The following ANO3 variants were observed in gnomAD, a reference collection of about 807,000 sequenced individuals.
ANO3 encodes the protein anoctamin-3.
ANO3 carries 99 observed loss-of-function variants against 144.8 expected under a neutral mutation model. That is an observed-to-expected ratio of 0.68 (90% CI 0.58 to 0.81). The LOEUF (loss-of-function observed/expected upper bound fraction) is 0.81, where lower values mean the gene tolerates loss of function less well. ANO3 is among the 30% of genes least tolerant of loss of function. The pLI is 0.00. For missense variants in ANO3, 905 were observed against 1,202.2 expected (o/e 0.75, Z 3.66); for synonymous variants, 414 against 392.6 (o/e 1.05, Z -0.64).
Position 26,547,529 on chromosome 11 carries a change from C to T in ANO3, c.1268C>T (p.Thr423Ile), listed in dbSNP as rs1349673954. The T allele has an allele frequency of 1.2e-6, 2 of 1,611,570 alleles. No homozygotes were observed. The highest frequency in any genetic ancestry group is 8.5e-7 in the Non-Finnish European group (1 of 1,178,342). Residue 423 changes from threonine (T) to isoleucine (I), a missense_variant, in exon 12 of 27, where the codon ACA (threonine) becomes ATA (isoleucine). Physicochemically the swap from Thr to Ile is moderately conservative, Grantham distance 89 (BLOSUM62 -1). Around this residue, in one of 4 missense-constraint regions of ANO3, gnomAD observed 597 missense variants for 865.1 expected, o/e 0.69. Transcript: ENST00000256737. ...TGCGTTTTCTTCTATGGATTATTTA[C>T]AATGAATAATAGTCAAGTAAGGTAG... ...GLCVFFYGLF[T>I]MNNSQVSQEI...
intron 1 of ANO3, among the ~76,000 whole-genome samples, chr11:26,193,245 G>A (rs1167623983): frequency 1.3e-5 from 2 of 149,200 alleles, no homozygotes; most frequent in Non-Finnish European, 3.0e-5. Flanking sequence ...GGGTTCAAGC[G>A]ATTATCCTGC....
chr11:26,479,453 G>T (rs1860118675), intron 4 of ANO3, among the ~76,000 whole-genome samples: 1 of 152,264 alleles, frequency 6.6e-6, no homozygotes, highest in South Asian at 2.1e-4. Flanking sequence ...CCACATGGCT[G>T]GGGAGGCCTC....
chr11:26,491,076 C>G (rs1361233904), intron 4 of ANO3, among the ~76,000 whole-genome samples: 2 of 152,084 alleles, frequency 1.3e-5, no homozygotes, highest in African/African-American at 2.4e-5. Flanking sequence ...ACTAAATGCC[C>G]ACAGCTGTTA....
chr11:26,523,631 T>C (rs1862175690), intron 6 of ANO3, among the ~76,000 whole-genome samples: 1 of 152,258 alleles, frequency 6.6e-6, no homozygotes, highest in African/African-American at 2.4e-5. Flanking sequence ...GAGAAGTCTC[T>C]TTCGTTTTCA....
chr11:26,477,911 T>C (rs1393789185), intron 4 of ANO3, among the ~76,000 whole-genome samples: 4 of 152,184 alleles, frequency 2.6e-5, no homozygotes, highest in African/African-American at 9.6e-5. Context: ...TGAACAGGGA[T>C]ACTCATTGCA....
chr11:26,516,629 T>A (rs1041536011), intron 5 of ANO3, among the ~76,000 whole-genome samples, 198 bp from the exon 6 acceptor site: 1 of 152,008 alleles, frequency 6.6e-6, no homozygotes, highest in African/African-American at 2.4e-5. Flanking sequence ...TTATTTCTTC[T>A]ACACGATGTC....
intron 1 of ANO3, among the ~76,000 whole-genome samples, chr11:26,293,555 A>G (rs1176345747): frequency 0.013 from 1,807 of 134,310 alleles, 103 homozygotes; most frequent in Non-Finnish European, 0.018. Context: ...ATATATATAT[A>G]TATATATATA....
intron 1 of ANO3, among the ~76,000 whole-genome samples, chr11:26,224,377 G>C (rs1564923743): frequency 1.3e-5 from 2 of 152,242 alleles, no homozygotes; most frequent in Non-Finnish European, 1.5e-5. Context: ...GAAGCATGTA[G>C]GCAGCTATAG....
intron 1 of ANO3, among the ~76,000 whole-genome samples, chr11:26,432,393 C>T (rs1304887162): frequency 2.6e-5 from 4 of 151,952 alleles, no homozygotes; most frequent in Non-Finnish European, 4.4e-5. Context: ...TCTTTCCCTG[C>T]GAAGAAGTTT....
intron 13 of ANO3, among the ~76,000 whole-genome samples, chr11:26,556,165 A>C (rs868229149): frequency 2.6e-5 from 4 of 152,146 alleles, no homozygotes; most frequent in African/African-American, 9.7e-5. Flanking sequence ...TTTGCAATTA[A>C]GTAATTTAGT....
intron 17 of ANO3, among the ~76,000 whole-genome samples, chr11:26,623,661 A>G (rs1852487062): frequency 6.6e-6 from 1 of 152,136 alleles, no homozygotes. Context: ...ACAAATATAT[A>G]CGGTCTTTTA....
At chr11:26,249,487 G>A (rs182989489) in intron 1 of ANO3, among the ~76,000 whole-genome samples, 3 of 152,060 alleles carry the variant, frequency 2.0e-5, no homozygotes, top group Non-Finnish European at 4.4e-5. Context: ...TGGTGTTCCG[G>A]TATCTAATAC....
At chr11:26,490,080 T>G (rs573642578) in intron 4 of ANO3, among the ~76,000 whole-genome samples, 57 of 152,208 alleles carry the variant, frequency 3.7e-4, no homozygotes, top group African/African-American at 1.4e-3. Flanking sequence ...TCAACTTGAA[T>G]TGTATCTCCC....
At chr11:26,312,495 C>T (rs572879533) in intron 1 of ANO3, among the ~76,000 whole-genome samples, 2 of 152,344 alleles carry the variant, frequency 1.3e-5, no homozygotes, top group South Asian at 4.1e-4. Context: ...TCCACATCCT[C>T]TCCAGCACCT....
At chr11:26,657,530 G>C (rs1284084356) in intron 26 of ANO3, among the ~76,000 whole-genome samples, 1 of 152,062 alleles carries the variant, frequency 6.6e-6, no homozygotes, top group Admixed American at 6.6e-5. Context: ...AAAGCAAACT[G>C]TCATCATTGA....
chr11:26,463,784 C>T (rs1859501111), intron 4 of ANO3, among the ~76,000 whole-genome samples: 1 of 151,836 alleles, frequency 6.6e-6, no homozygotes, highest in Admixed American at 6.6e-5. Context: ...GGAGTGTTCC[C>T]ATCAGATACC....
intron 4 of ANO3, among the ~76,000 whole-genome samples, chr11:26,481,758 G>A (rs1276422714): frequency 1.3e-5 from 2 of 152,086 alleles, no homozygotes; most frequent in African/African-American, 2.4e-5. Context: ...AAACAAATTA[G>A]GGATCAGTTG....
At chr11:26,194,456 G>GTGTGTGTC (rs1851542954) in intron 1 of ANO3, among the ~76,000 whole-genome samples, 1 of 6,990 alleles carries the variant, frequency 1.4e-4, no homozygotes, top group African/African-American at 5.2e-4. Flanking sequence ...GTGTGTGTGT[G>GTGTGTGTC]TGTGTGTGTG....
At chr11:26,261,261 C>T (rs2133827610) in intron 1 of ANO3, among the ~76,000 whole-genome samples, 1 of 152,158 alleles carries the variant, frequency 6.6e-6, no homozygotes, top group South Asian at 2.1e-4. Context: ...TTTCAATCTA[C>T]ACACTTATTT....
Sources: allele counts gnomAD v4.1 joint callset (sites outside exome capture counted in the v4.1 genomes callset), GRCh38; gene constraint gnomAD v4.1.1; regional missense constraint gnomAD v4.1.1; transcripts MANE v1.5; gene names NCBI Gene and HGNC (gene_info 2026-07-23, HGNC 2026-07-21).